The following PGM2L1 variants were observed in gnomAD, a reference collection of about 807,000 sequenced individuals.
The protein encoded by PGM2L1 is phosphoglucomutase 2 like 1.
PGM2L1 carries 35 observed loss-of-function variants against 73.4 expected under a neutral mutation model. The ratio of observed to expected loss-of-function variants is 0.48; its 90% CI spans 0.36 to 0.63. PGM2L1 has a LOEUF of 0.63. PGM2L1 is among the 30% of genes least tolerant of loss of function. The pLI is 0.00. For synonymous variants in PGM2L1, 225 were observed against 253.8 expected (o/e 0.89, Z 1.08); for missense variants, 570 against 742.0 (o/e 0.77, Z 2.69).
At chr11:74,393,642 C>T (rs553593305) in intron 1 of PGM2L1, among the ~76,000 whole-genome samples, 5 of 152,302 alleles carry the variant, frequency 3.3e-5, no homozygotes, top group African/African-American at 7.2e-5. Context: ...TCTTTCTCAA[C>T]GCAGACCTAC....
chr11:74,347,380 T>G, intron 6 of PGM2L1, 43 bp from the exon 7 acceptor site: 2 of 1,404,500 alleles, frequency 1.4e-6, no homozygotes, highest in Non-Finnish European at 1.9e-6. Flanking sequence ...ACAAAACCTC[T>G]TACCTTTGAT....
At chr11:74,384,139 G>A (rs765242274) in intron 1 of PGM2L1, among the ~76,000 whole-genome samples, 6 of 150,904 alleles carry the variant, frequency 4.0e-5, no homozygotes, top group Non-Finnish European at 8.9e-5. Context: ...CACTCCCCCC[G>A]CATCCTTTTG....
At chr11:74,340,486 G>A (rs937391472) in intron 12 of PGM2L1, among the ~76,000 whole-genome samples, 2 of 152,040 alleles carry the variant, frequency 1.3e-5, no homozygotes, top group African/African-American at 4.8e-5. Flanking sequence ...ATGCAAAAAT[G>A]GAATATGGGT....
chr11:74,392,164 G>A (rs1335514311), intron 1 of PGM2L1, among the ~76,000 whole-genome samples: 1 of 151,946 alleles, frequency 6.6e-6, no homozygotes. Flanking sequence ...TAACTAAAAA[G>A]AAACTTAAAA....
At chr11:74,355,984 A>G (rs1371901889) in intron 5 of PGM2L1, among the ~76,000 whole-genome samples, 1 of 147,902 alleles carries the variant, frequency 6.8e-6, no homozygotes, top group Non-Finnish European at 1.5e-5. Flanking sequence ...TTTAATATGG[A>G]TTTTTTTTTT....
chr11:74,381,289 T>A (rs921246907), intron 1 of PGM2L1, among the ~76,000 whole-genome samples: 1 of 152,144 alleles, frequency 6.6e-6, no homozygotes, highest in African/African-American at 2.4e-5. Context: ...GGTCACTGGA[T>A]ATGAAAGAGA....
chr11:74,371,487 A>G (rs1862752540), intron 3 of PGM2L1, among the ~76,000 whole-genome samples: 1 of 152,184 alleles, frequency 6.6e-6, no homozygotes, highest in Admixed American at 6.5e-5. Context: ...TGTCATTCTA[A>G]ATATGAACTC....
chr11:74,339,751 C>T (rs1862156203), intron 12 of PGM2L1, among the ~76,000 whole-genome samples: 1 of 152,194 alleles, frequency 6.6e-6, no homozygotes, highest in Non-Finnish European at 1.5e-5. Context: ...TCACCTCATA[C>T]TCCAGTTATA....
chr11:74,362,829 C>T (rs915104417), intron 5 of PGM2L1, among the ~76,000 whole-genome samples: 63 of 152,232 alleles, frequency 4.1e-4, no homozygotes, highest in African/African-American at 1.1e-3. Flanking sequence ...GACAGATCAA[C>T]GAGACAGAAA....
At chr11:74,355,801 C>G in intron 5 of PGM2L1, 1 of 455,166 alleles carries the variant, frequency 2.2e-6, no homozygotes. Context: ...TACAACAGAT[C>G]TGTGAACTCA....
intron 5 of PGM2L1, chr11:74,354,879 A>G: frequency 2.3e-6 from 2 of 855,974 alleles, no homozygotes; most frequent in South Asian, 1.3e-5. Context: ...TGGCAGGAAA[A>G]GGGGCTTTGT....
At chr11:74,355,405 T>A (rs1862427831) in intron 5 of PGM2L1, 1 of 536,994 alleles carries the variant, frequency 1.9e-6, no homozygotes. Flanking sequence ...ATACAAAAAA[T>A]TAGCCGGGCG....
intron 1 of PGM2L1, among the ~76,000 whole-genome samples, chr11:74,392,353 A>T (rs1428116447): frequency 6.6e-6 from 1 of 152,138 alleles, no homozygotes; most frequent in African/African-American, 2.4e-5. Flanking sequence ...ATAAAGAAAA[A>T]AATGAATTTG....
At chr11:74,379,926 A>T (rs937555207) in intron 1 of PGM2L1, among the ~76,000 whole-genome samples, 5 of 151,406 alleles carry the variant, frequency 3.3e-5, no homozygotes, top group African/African-American at 9.7e-5. Flanking sequence ...AATTCTGTCT[A>T]AAAAAAAATC....
At chr11:74,359,635 G>T (rs1350989549) in intron 5 of PGM2L1, among the ~76,000 whole-genome samples, 1 of 151,848 alleles carries the variant, frequency 6.6e-6, no homozygotes. Flanking sequence ...GAAAGAAAAA[G>T]ACAGTCTGTA....
intron 1 of PGM2L1, among the ~76,000 whole-genome samples, chr11:74,381,911 C>G (rs540061786): frequency 6.6e-6 from 1 of 151,788 alleles, no homozygotes; most frequent in African/African-American, 2.4e-5. Context: ...TCCCCCCCAC[C>G]CCCACCAATG....
chr11:74,336,628 G>T lies in PGM2L1; in HGVS notation c.*24C>A, dbSNP rs376585328. On this transcript the variant is annotated 3_prime_UTR_variant, in exon 14 of 14. Coordinates refer to ENST00000298198, the MANE Select transcript of PGM2L1 (RefSeq NM_173582.6). ...TTGCTCTGTTCCATATGCCCACACA[G>T]TGTCATGACATATTGGTGTACCCCT... 3.3e-6 allele frequency: 5 copies of T among 1,512,110 alleles called. No individual in the cohort carries two copies. Among genetic ancestry groups the T allele is most frequent in the Admixed American group, 1.8e-5 (1 of 54,340 alleles). 93.7% of individuals were successfully genotyped at this position (1,512,110 alleles called of 1,614,324 possible). A position where few individuals can be genotyped will look rare whatever the true frequency, so the allele number is the denominator to read the frequency against.
intron 5 of PGM2L1, 144 bp from the exon 6 acceptor site, chr11:74,351,720 T>A: frequency 1.5e-6 from 1 of 654,348 alleles, no homozygotes; most frequent in Non-Finnish European, 2.4e-6. Context: ...CTCAGCACTT[T>A]GGGAGGCTGA....
intron 1 of PGM2L1, among the ~76,000 whole-genome samples, chr11:74,379,784 G>T (rs1047134875): frequency 1.3e-5 from 2 of 152,044 alleles, no homozygotes; most frequent in African/African-American, 4.8e-5. Flanking sequence ...AATTAGCCAG[G>T]TATGGTGGTG....
Sources: allele counts gnomAD v4.1 joint callset (sites outside exome capture counted in the v4.1 genomes callset), GRCh38; gene constraint gnomAD v4.1.1; transcripts MANE v1.5; gene names NCBI Gene and HGNC (gene_info 2026-07-23, HGNC 2026-07-21).